Variants in PCDH15 observed in about 807,000 individuals in gnomAD.
The protein encoded by PCDH15 is protocadherin related 15, also known as protocadherin-15.
PCDH15 carries 129 observed loss-of-function variants against 178.5 expected under a neutral mutation model. That is an observed-to-expected ratio of 0.72 (90% CI 0.63 to 0.84). The LOEUF (loss-of-function observed/expected upper bound fraction) is 0.84, where lower values mean the gene tolerates loss of function less well. Among genes scored for constraint, PCDH15 ranks in the 40% least tolerant of loss-of-function variants. PCDH15 has a pLI of 0.00. For synonymous variants in PCDH15, 800 were observed against 732.0 expected (o/e 1.09, Z -1.50); for missense variants, 2,230 against 2,099.9 (o/e 1.06, Z -1.21).
chr10:53,946,582 T>A (rs2134134668), intron 23 of PCDH15, among the ~76,000 whole-genome samples: 1 of 152,318 alleles, frequency 6.6e-6, no homozygotes, highest in East Asian at 1.9e-4. Flanking sequence ...ACTTTATTGC[T>A]GAATAATATT....
intron 18 of PCDH15, among the ~76,000 whole-genome samples, chr10:54,048,270 ATTATT>A (rs1409380717): frequency 5.3e-5 from 8 of 151,948 alleles, no homozygotes; most frequent in Non-Finnish European, 7.4e-5. Flanking sequence ...TGTTTGTTGA[ATTATT>A]TTAAGTTCTT....
chr10:54,007,309 A>C (rs2092419934), intron 20 of PCDH15, among the ~76,000 whole-genome samples: 1 of 152,096 alleles, frequency 6.6e-6, no homozygotes, highest in Admixed American at 6.6e-5. Flanking sequence ...TACTATCATC[A>C]CAGATTCAGT....
intron 2 of PCDH15, among the ~76,000 whole-genome samples, chr10:55,080,667 CAG>C (rs1454328505): frequency 6.6e-6 from 1 of 152,102 alleles, no homozygotes; most frequent in East Asian, 1.9e-4. Context: ...ACTGTGCTAC[CAG>C]AGTGGGTAAG....
intron 8 of PCDH15, among the ~76,000 whole-genome samples, chr10:54,272,218 G>A (rs1302730818): frequency 6.6e-6 from 1 of 151,470 alleles, no homozygotes; most frequent in Non-Finnish European, 1.5e-5. Context: ...AAAGGCATAA[G>A]AGGTACCGAG....
rs534014344 is a variant in PCDH15 at position 53,955,462 on chromosome 10, C to T, written c.3122+4270G>A. ...GTCAATAATTCAGTTAAACATTCTA[C>T]GATAAATAAATACTTTATCTTTAAA... On this transcript the variant is annotated intron_variant, in intron 23 of 37. Transcript: ENST00000644397. Among the ~76,000 whole-genome samples, 588 of 152,194 alleles carry T rather than the reference C, an allele frequency of 3.9e-3. 1 individual carries two copies. The highest frequency in any genetic ancestry group is 0.014 in the African/African-American group (571 of 41,536).
chr10:54,975,850 T>C (rs1839056827), intron 2 of PCDH15, among the ~76,000 whole-genome samples: 3 of 152,160 alleles, frequency 2.0e-5, no homozygotes, highest in African/African-American at 7.2e-5. Context: ...ATGAAATTTA[T>C]GTAACTTGTA....
chr10:53,955,048 G>A (rs1288794501), intron 23 of PCDH15, among the ~76,000 whole-genome samples: 1 of 152,158 alleles, frequency 6.6e-6, no homozygotes, highest in Non-Finnish European at 1.5e-5. Flanking sequence ...CTAGGACACA[G>A]TTGCCTAGCA....
At chr10:55,132,199 G>T (rs1358588055) in intron 2 of PCDH15, among the ~76,000 whole-genome samples, 1 of 152,118 alleles carries the variant, frequency 6.6e-6, no homozygotes, top group Non-Finnish European at 1.5e-5. Context: ...CATCACAATT[G>T]CTTGATCATA....
chr10:54,108,506 C>T (rs2094956993), intron 15 of PCDH15, among the ~76,000 whole-genome samples: 1 of 152,148 alleles, frequency 6.6e-6, no homozygotes, highest in South Asian at 2.1e-4. Context: ...AGCCAGCCTT[C>T]CCACCACAGG....
intron 3 of PCDH15, among the ~76,000 whole-genome samples, chr10:54,890,121 A>G (rs1399258156): frequency 6.6e-6 from 1 of 151,992 alleles, no homozygotes; most frequent in African/African-American, 2.4e-5. Context: ...TTTTGAAGTG[A>G]GAAGATCACT....
At chr10:54,957,080 T>C (rs980323104) in intron 2 of PCDH15, among the ~76,000 whole-genome samples, 1 of 151,670 alleles carries the variant, frequency 6.6e-6, no homozygotes, top group African/African-American at 2.4e-5. Context: ...CCTGGCCCAG[T>C]GATCATTAAC....
chr10:53,937,351 C>T (rs1424896575), intron 25 of PCDH15, among the ~76,000 whole-genome samples: 1 of 152,126 alleles, frequency 6.6e-6, no homozygotes, highest in Non-Finnish European at 1.5e-5. Flanking sequence ...TAATCTTCCT[C>T]ATTTTTGCAT....
intron 1 of PCDH15, among the ~76,000 whole-genome samples, chr10:55,290,302 T>A (rs1465655155): frequency 2.7e-5 from 4 of 150,542 alleles, no homozygotes; most frequent in African/African-American, 1.0e-4. Flanking sequence ...AAATGTTTAA[T>A]ACTTTTAATA....
chr10:54,822,522 A>T (rs1953061842), intron 3 of PCDH15, among the ~76,000 whole-genome samples: 1 of 152,086 alleles, frequency 6.6e-6, no homozygotes, highest in Non-Finnish European at 1.5e-5. Flanking sequence ...TAATTTATTT[A>T]TCTATTCATC....
At chr10:55,019,874 A>G (rs1487106360) in intron 2 of PCDH15, among the ~76,000 whole-genome samples, 1 of 151,998 alleles carries the variant, frequency 6.6e-6, no homozygotes, top group Non-Finnish European at 1.5e-5. Flanking sequence ...AATAGAATAG[A>G]TATTAAGAAT....
At chr10:54,387,372 A>G (rs1254085782) in intron 3 of PCDH15, among the ~76,000 whole-genome samples, 2 of 152,212 alleles carry the variant, frequency 1.3e-5, no homozygotes, top group Non-Finnish European at 2.9e-5. Flanking sequence ...TAGTATATAC[A>G]CAAAAGGAAT....
intron 15 of PCDH15, among the ~76,000 whole-genome samples, chr10:54,123,591 G>T (rs2132910135): frequency 6.6e-6 from 1 of 152,106 alleles, no homozygotes. Context: ...GATTAGTTCA[G>T]CCACAGTGGA....
At chr10:54,382,512 AC>A (rs1949365652) in intron 3 of PCDH15, among the ~76,000 whole-genome samples, 1 of 152,076 alleles carries the variant, frequency 6.6e-6, no homozygotes, top group African/African-American at 2.4e-5. Flanking sequence ...GGTCCAAAAA[AC>A]CTGTGACATG....
At chr10:54,966,398 C>T (rs142197829) in intron 2 of PCDH15, among the ~76,000 whole-genome samples, 85 of 152,198 alleles carry the variant, frequency 5.6e-4, no homozygotes, top group African/African-American at 1.8e-3. Flanking sequence ...GATTTGTTCA[C>T]TGAACATCCT....
Sources: allele counts gnomAD v4.1 joint callset (sites outside exome capture counted in the v4.1 genomes callset), GRCh38; gene constraint gnomAD v4.1.1; transcripts MANE v1.5; gene names NCBI Gene and HGNC (gene_info 2026-07-23, HGNC 2026-07-21).